Variants in AGBL3 observed in about 807,000 individuals in gnomAD.
The protein encoded by AGBL3 is cytosolic carboxypeptidase 3.
AGBL3 carries 68 observed loss-of-function variants against 94.5 expected under a neutral mutation model. That is an observed-to-expected ratio of 0.72 (90% CI 0.59 to 0.88). AGBL3 has a LOEUF of 0.88. AGBL3 is among the 40% of genes least tolerant of loss of function. AGBL3 has a pLI of 0.00. For missense variants in AGBL3, 934 were observed against 1,103.8 expected, an observed-to-expected ratio of 0.85 and a Z score of 2.18; for synonymous variants, 354 against 370.7, an observed-to-expected ratio of 0.95 and a Z score of 0.52.
chr7:134,999,822 GA>G (rs1811485870), intron 4 of AGBL3, among the ~76,000 whole-genome samples: 1 of 152,358 alleles, frequency 6.6e-6, no homozygotes, highest in African/African-American at 2.4e-5. Flanking sequence ...AGCCTGAGCA[GA>G]TTGTTCTTAC....
chr7:135,027,223 A>G (rs1427891038), intron 5 of AGBL3, among the ~76,000 whole-genome samples: 1 of 151,230 alleles, frequency 6.6e-6, no homozygotes, highest in Non-Finnish European at 1.5e-5. Flanking sequence ...AATTTTTTGT[A>G]TTTTAGTAGA....
intron 12 of AGBL3, among the ~76,000 whole-genome samples, chr7:135,060,664 C>T (rs1818751027): frequency 1.3e-5 from 2 of 152,116 alleles, no homozygotes; most frequent in African/African-American, 4.8e-5. Flanking sequence ...TCTTTCTGTG[C>T]CTGGCTTATC....
At chr7:135,101,029 C>A in intron 15 of AGBL3, 1 of 370,530 alleles carries the variant, frequency 2.7e-6, no homozygotes, top group African/African-American at 2.1e-5. Flanking sequence ...ATTACTCTTA[C>A]ATGAGTAGCT....
At chr7:135,087,319 C>T (rs1821410532) in intron 15 of AGBL3, among the ~76,000 whole-genome samples, 1 of 151,200 alleles carries the variant, frequency 6.6e-6, no homozygotes, top group Admixed American at 6.6e-5. Context: ...AATTTTTAAT[C>T]TCAATTTCAT....
At chr7:135,096,393 AG>A (rs1443881961) in intron 15 of AGBL3, among the ~76,000 whole-genome samples, 3 of 135,516 alleles carry the variant, frequency 2.2e-5, no homozygotes, top group African/African-American at 7.8e-5. Context: ...GAAGGAAGGA[AG>A]GGAGGGAGGG....
chr7:135,099,794 C>T (rs777613579), intron 15 of AGBL3, among the ~76,000 whole-genome samples: 2 of 151,356 alleles, frequency 1.3e-5, no homozygotes, highest in Non-Finnish European at 2.9e-5. Flanking sequence ...GGGAAGATTT[C>T]GCTATCCCCA....
intron 15 of AGBL3, among the ~76,000 whole-genome samples, chr7:135,095,370 C>G (rs1225170332): frequency 6.6e-6 from 1 of 152,192 alleles, no homozygotes; most frequent in African/African-American, 2.4e-5. Context: ...AAGACAGATT[C>G]TATCTGATAA....
At chr7:135,009,806 A>G (rs773971525) in intron 4 of AGBL3, among the ~76,000 whole-genome samples, 1 of 152,174 alleles carries the variant, frequency 6.6e-6, no homozygotes, top group Admixed American at 6.5e-5. Flanking sequence ...TTATTTTAAA[A>G]GCTTTAGCTG....
In AGBL3 at chr7:135,115,432, C is replaced by G; in HGVS notation, c.2163C>G (p.Ser721Arg). ...TAAAAGAATGCATATCTTTCCAAAG[C>G]AAGAAGACTGGCATAAATTGGACAG... ...SKIKECISFQ[S>R]KKTGINWTDD... is the part of the protein sequence containing the mutation. Residue 721 changes from serine to arginine, a missense_variant, in exon 16 of 17, where the codon AGC (serine) becomes AGG (arginine). By Grantham distance (110) the Ser-to-Arg change is moderately radical. Transcript: ENST00000436302. 6.4e-7 allele frequency: 1 copy of G among 1,551,320 alleles called. No homozygotes were observed. Among genetic ancestry groups the G allele is most frequent in the Non-Finnish European group, 8.7e-7 (1 of 1,146,774 alleles).
intron 8 of AGBL3, among the ~76,000 whole-genome samples, chr7:135,038,403 TA>T (rs1816513675): frequency 6.6e-6 from 1 of 152,244 alleles, no homozygotes; most frequent in African/African-American, 2.4e-5. Flanking sequence ...TATTGCTATG[TA>T]AATTTATACT....
At chr7:135,074,595 T>C (rs1171855136) in intron 12 of AGBL3, among the ~76,000 whole-genome samples, 3 of 152,166 alleles carry the variant, frequency 2.0e-5, no homozygotes, top group Non-Finnish European at 4.4e-5. Flanking sequence ...TGCCAATCTT[T>C]CCCTCTCTCC....
chr7:135,084,270 C>T (rs1821155367), intron 15 of AGBL3, among the ~76,000 whole-genome samples: 1 of 151,998 alleles, frequency 6.6e-6, no homozygotes, highest in South Asian at 2.1e-4. Flanking sequence ...TATTTTGATA[C>T]ATGTATACAA....
chr7:135,102,724 T>C (rs1824036089), intron 15 of AGBL3, among the ~76,000 whole-genome samples: 1 of 151,552 alleles, frequency 6.6e-6, no homozygotes, highest in Admixed American at 6.6e-5. Flanking sequence ...AATATTCATA[T>C]AAAAATTAAC....
chr7:135,106,046 T>C (rs779350972), intron 15 of AGBL3, among the ~76,000 whole-genome samples: 1 of 152,184 alleles, frequency 6.6e-6, no homozygotes, highest in Non-Finnish European at 1.5e-5. Context: ...TAGGCTGTTG[T>C]TGGTATATAG....
intron 5 of AGBL3, among the ~76,000 whole-genome samples, chr7:135,019,594 C>A (rs1445424159): frequency 1.3e-5 from 2 of 151,990 alleles, no homozygotes; most frequent in African/African-American, 4.8e-5. Context: ...AAAAGACTAT[C>A]CTCGCATTGC....
intron 8 of AGBL3, among the ~76,000 whole-genome samples, chr7:135,039,757 T>C (rs1350635405): frequency 6.6e-6 from 1 of 151,506 alleles, no homozygotes; most frequent in Non-Finnish European, 1.5e-5. Context: ...AACAAAGGTC[T>C]TGAATTAGTA....
chr7:135,134,849 C>A lies in AGBL3; in HGVS notation c.2351C>A (p.Pro784Gln). 6.5e-7 allele frequency: 1 copy of A among 1,549,106 alleles called. No homozygotes were observed. Among genetic ancestry groups the A allele is most frequent in the Non-Finnish European group, 8.7e-7 (1 of 1,145,348 alleles). ...TTTCATTTCTTTTCTAGACTAAATC[C>A]GGCTACTTGCAGAAATATAAAGAAA... ...TNFQIQHQLNPATCRNIKKYS... is the reference protein window; with the variant it reads ...TNFQIQHQLNQATCRNIKKYS... Residue 784 changes from proline to glutamine, a missense_variant, in exon 17 of 17, where the codon CCG (proline) becomes CAG (glutamine). Pro to Gln is a moderately conservative substitution (Grantham distance 76, BLOSUM62 -1). Coordinates refer to ENST00000436302, the MANE Select transcript of AGBL3 (RefSeq NM_178563.4).
chr7:135,017,395 T>A (rs945079075), intron 5 of AGBL3, among the ~76,000 whole-genome samples: 1 of 152,230 alleles, frequency 6.6e-6, no homozygotes. Context: ...GCCATTAGAA[T>A]GAAGAGTTAT....
chr7:135,023,366 G>A (rs183982700), intron 5 of AGBL3, among the ~76,000 whole-genome samples: 83 of 152,256 alleles, frequency 5.5e-4, no homozygotes, highest in South Asian at 3.1e-3. Flanking sequence ...AACCCTGCAT[G>A]GGGTTGCTGA....
Sources: allele counts gnomAD v4.1 joint callset (sites outside exome capture counted in the v4.1 genomes callset), GRCh38; gene constraint gnomAD v4.1.1; transcripts MANE v1.5; gene names NCBI Gene and HGNC (gene_info 2026-07-23, HGNC 2026-07-21).